Variants in GAMT observed in about 807,000 individuals in gnomAD.
The protein encoded by GAMT is epididymis secretory protein Li 20.
GAMT carries 26 observed loss-of-function variants against 26.9 expected under a neutral mutation model. The observed-to-expected ratio is 0.97, with a 90% CI of 0.71 to 1.34. The LOEUF (loss-of-function observed/expected upper bound fraction) is 1.34, where lower values mean the gene tolerates loss of function less well. Ranked by LOEUF, GAMT falls within the 40% of genes most tolerant of loss-of-function variation. The pLI, the probability that GAMT is intolerant of heterozygous loss-of-function variation, is 0.00. For synonymous variants in GAMT, 169 were observed against 149.6 expected (o/e 1.13, Z -0.95); for missense variants, 412 against 345.0 (o/e 1.19, Z -1.54).
At position 1,399,382 on chromosome 19, in the gene GAMT, G is replaced by A. The variant is rs942393529; in HGVS notation, c.391+142C>T. The A allele has an allele frequency of 2.3e-5, 24 of 1,022,324 alleles. No homozygotes were observed. The highest frequency in any genetic ancestry group is 3.3e-5 in the Non-Finnish European group (22 of 673,830). The allele number at this position is 1,022,324 out of a possible 1,614,324, so 63.3% of individuals were successfully genotyped here. ...CCCTCCGTGAGCATGCCCATCCCCG[G>A]TGCTCCGCCATCCCACAGCCAGGCC... On this transcript the variant is annotated intron_variant, in intron 3 of 5. Coordinates refer to ENST00000252288, the MANE Select transcript of GAMT (RefSeq NM_000156.6). The surrounding 1 kb of genome is among the most constrained non-coding windows in gnomAD (Gnocchi z 6.2).
intron 5 of GAMT, chr19:1,397,850 G>A (rs1000737326): frequency 1.2e-5 from 14 of 1,151,162 alleles, no homozygotes; most frequent in Non-Finnish European, 1.5e-5. Context: ...AAGAAAAGCT[G>A]CCCCAGGGGC....
At position 1,399,239 on chromosome 19, in the gene GAMT, CGCCTCACCCA is replaced by C. The variant is rs752148967; in HGVS notation, c.392-54_392-45del. 1.2e-6 allele frequency: 2 copies of C among 1,601,394 alleles called. No individual in the cohort carries two copies. The highest frequency in any genetic ancestry group is 1.7e-6 in the Non-Finnish European group (2 of 1,169,444). On this transcript the variant is annotated intron_variant, in intron 3 of 5. Transcript: ENST00000252288. The surrounding 1 kb of genome is among the most constrained non-coding windows in gnomAD (Gnocchi z 6.2). ...CCCACGCGGTCAGGGCCGGGCTCAGCGCCTCACCCAGCCTCACCCGGCTCATCCCCCAGCG... is the reference window on the plus strand; with the variant it reads ...CCCACGCGGTCAGGGCCGGGCTCAGCGCCTCACCCGGCTCATCCCCCAGCG...
Position 1,399,822 on chromosome 19 carries a change from G to T in GAMT, c.298C>A (p.Arg100=). 6.3e-7 allele frequency: 1 copy of T among 1,580,120 alleles called. No homozygotes were observed. The highest frequency in any genetic ancestry group is 8.6e-7 in the Non-Finnish European group (1 of 1,163,746). ...TGTGTCTGCCGTGGGGCCCAGTCCC[G>T]GAGCCGCTGGAAGACGCCGTCATTG... ...ECNDGVFQRL[R]DWAPRQTHKV... The change falls in exon 2 of 6, where the codon CGG becomes AGG. Residue 100 remains arginine, a synonymous_variant. Transcript: ENST00000252288. The surrounding 1 kb of genome is among the most constrained non-coding windows in gnomAD (Gnocchi z 6.2).
rs757108273 is a variant in GAMT, at chr19:1,398,933, T to C, written c.553A>G (p.Ile185Val). Residue 185 changes from isoleucine (I) to valine (V), a missense_variant, in exon 5 of 6, where the codon ATC becomes GTC. Transcript: ENST00000252288. The stretch of plus-strand genomic sequence containing the variant: ...GGGCGCACCTCAAACATGATGGTGA[T>C]GTCTGAGTACTTGGACTTCATCAGC... ...GELMKSKYSD[I>V]TIMFEETQVP... 3.7e-6 allele frequency: 6 copies of C among 1,613,398 alleles called. No individual in the cohort carries two copies. The East Asian group carries it at 6.7e-5, about 18-fold the overall frequency.
Position 1,399,762 on chromosome 19 carries a change from G to A in GAMT, c.327+31C>T, listed in dbSNP as rs952973918. ...CAGTGCCCTCACCCCAAGGAGTGGG[G>A]GTCCTGGAGGGCCTGCGGGCAGAGG... On this transcript the variant is annotated intron_variant, in intron 2 of 5. Coordinates refer to ENST00000252288, the MANE Select transcript of GAMT (RefSeq NM_000156.6). The surrounding 1 kb of genome is among the most constrained non-coding windows in gnomAD (Gnocchi z 6.2). 1 of 1,542,892 alleles carries A rather than the reference G, an allele frequency of 6.5e-7. No homozygotes were observed. The highest frequency in any genetic ancestry group is 2.4e-5 in the East Asian group (1 of 41,046).
At position 1,399,588 on chromosome 19, in the gene GAMT, C is replaced by T. The variant is rs756772965; in HGVS notation, c.328-1G>A. ...CCCACAGGCCTTTCAAGGGGATGAC[C>T]TTGCAGAGGGGAAAAGAAAAAGAGA... On this transcript the variant is annotated splice_acceptor_variant, in intron 2 of 5. Coordinates refer to ENST00000252288, the MANE Select transcript of GAMT (RefSeq NM_000156.6). LOFTEE classifies it high-confidence loss of function. This position sits in a 1 kb window ranked among gnomAD's most constrained non-coding sequence, Gnocchi z 6.2. The T allele has an allele frequency of 2.4e-5, 39 of 1,612,274 alleles. No homozygotes were observed. The highest frequency in any genetic ancestry group is 2.9e-5 in the Non-Finnish European group (34 of 1,179,490).
Position 1,399,116 on chromosome 19 carries a change from A to G in GAMT, c.459+12T>C. On this transcript the variant is annotated intron_variant, in intron 4 of 5. Coordinates refer to ENST00000252288, the MANE Select transcript of GAMT (RefSeq NM_000156.6). This position sits in a 1 kb window ranked among gnomAD's most constrained non-coding sequence, Gnocchi z 6.2. ...AGGGCCTCCCGCATCCCAGCAAGTC[A>G]GAGAGAACCACCTTGATGAAGTTGA... 1 of 1,613,656 alleles carries G rather than the reference A, an allele frequency of 6.2e-7. No homozygotes were observed. Among genetic ancestry groups the G allele is most frequent in the Non-Finnish European group, 8.5e-7 (1 of 1,179,978 alleles).
intron 1 of GAMT, among the ~76,000 whole-genome samples, chr19:1,400,282 G>T (rs901461958): frequency 1.3e-5 from 2 of 149,528 alleles, no homozygotes; most frequent in Non-Finnish European, 3.0e-5. Flanking sequence ...ACAGGGTAGG[G>T]CAGGGCTGAG....
chr19:1,397,876 G>T (rs1487758785), intron 5 of GAMT: 1 of 1,135,180 alleles, frequency 8.8e-7, no homozygotes, highest in African/African-American at 1.6e-5. Context: ...GCACCCAGCC[G>T]GCTCTCACAA....
At position 1,399,512 on chromosome 19, in the gene GAMT, C is replaced by T. The variant is rs995627833; in HGVS notation, c.391+12G>A. ...GGAGGCCCACCCTGTGATACGTCCCCTCACCCCTCACCATCAAAGTGACCG... is the reference window on the plus strand; with the variant it reads ...GGAGGCCCACCCTGTGATACGTCCCTTCACCCCTCACCATCAAAGTGACCG... On this transcript the variant is annotated intron_variant, in intron 3 of 5. Coordinates refer to ENST00000252288, the MANE Select transcript of GAMT (RefSeq NM_000156.6). This position sits in a 1 kb window ranked among gnomAD's most constrained non-coding sequence, Gnocchi z 6.2. 1.2e-6 allele frequency: 2 copies of T among 1,610,650 alleles called. No individual in the cohort carries two copies. Among genetic ancestry groups the T allele is most frequent in the East Asian group, 2.2e-5 (1 of 44,824 alleles).
chr19:1,399,430 C>G lies in GAMT; in HGVS notation c.391+94G>C. On this transcript the variant is annotated intron_variant, in intron 3 of 5. Coordinates refer to ENST00000252288, the MANE Select transcript of GAMT (RefSeq NM_000156.6). This position sits in a 1 kb window ranked among gnomAD's most constrained non-coding sequence, Gnocchi z 6.2. ...GCCCACACCCACTTGGGCTCTGTCC[C>G]CCCAGTGCACATCAGAGGGACCCCC... The G allele has an allele frequency of 1.6e-6, 2 of 1,251,264 alleles. No homozygotes were observed. The allele number at this position is 1,251,264 out of a possible 1,614,324, so 77.5% of individuals were successfully genotyped here. A position where few individuals can be genotyped will look rare whatever the true frequency, so the allele number is the denominator to read the frequency against.
chr19:1,399,765 CCTGGAGGG>C lies in GAMT; in HGVS notation c.327+20_327+27del. 6.5e-7 allele frequency: 1 copy of C among 1,541,332 alleles called. No homozygotes were observed. The highest frequency in any genetic ancestry group is 8.7e-7 in the Non-Finnish European group (1 of 1,143,490). ...TGCCCTCACCCCAAGGAGTGGGGGT[CCTGGAGGG>C]CCTGCGGGCAGAGGGGCACCTTGTG... On this transcript the variant is annotated intron_variant, in intron 2 of 5. Coordinates refer to ENST00000252288, the MANE Select transcript of GAMT (RefSeq NM_000156.6). The surrounding 1 kb of genome is among the most constrained non-coding windows in gnomAD (Gnocchi z 6.2).
In GAMT at chr19:1,398,638, C is replaced by G. The variant is rs1030007744; in HGVS notation, c.570+278G>C. On this transcript the variant is annotated intron_variant, in intron 5 of 5. Transcript: ENST00000252288. ...TTTTTTTTTTTAGGAAAGATGAGGT[C>G]TTGCTCTGTAGCCCAGGCTGGTCTT... 9.8e-6 allele frequency: 10 copies of G among 1,022,704 alleles called. No homozygotes were observed. The African/African-American group carries it at 1.6e-4, about 17-fold the overall frequency. The allele number at this position is 1,022,704 out of a possible 1,614,324, so 63.4% of individuals were successfully genotyped here.
At chr19:1,400,088 C>T (rs938608512) in intron 1 of GAMT, 150 bp from the exon 2 acceptor site, 3 of 811,244 alleles carry the variant, frequency 3.7e-6, no homozygotes, top group African/African-American at 4.5e-5. Context: ...GGGGGGCGTG[C>T]AGAGCAGGGC....
chr19:1,399,392 A>G lies in GAMT; in HGVS notation c.391+132T>C. 9.5e-7 allele frequency: 1 copy of G among 1,050,734 alleles called. No homozygotes were observed. 65.1% of individuals were successfully genotyped at this position (1,050,734 alleles called of 1,614,324 possible). ...GCATGCCCATCCCCGGTGCTCCGCC[A>G]TCCCACAGCCAGGCCCACACCCACT... On this transcript the variant is annotated intron_variant, in intron 3 of 5. Transcript: ENST00000252288. This position sits in a 1 kb window ranked among gnomAD's most constrained non-coding sequence, Gnocchi z 6.2.
In GAMT at chr19:1,400,084, C is replaced by T. The variant is rs1285752139; in HGVS notation, c.182-146G>A. The T allele has an allele frequency of 2.0e-5, 14 of 694,360 alleles. No homozygotes were observed. In the Admixed American group the frequency reaches 2.8e-4, roughly 14 times the overall value. 43.0% of individuals were successfully genotyped at this position (694,360 alleles called of 1,614,324 possible). ...GGCTGGGGGTCTGCCTGGAGGGGGG[C>T]GTGCAGAGCAGGGCTGGAGAGGCTG... On this transcript the variant is annotated intron_variant, in intron 1 of 5. Coordinates refer to ENST00000252288, the MANE Select transcript of GAMT (RefSeq NM_000156.6).
At chr19:1,398,863 C>T in intron 5 of GAMT, 53 bp downstream of exon 5, 1 of 1,605,762 alleles carries the variant, frequency 6.2e-7, no homozygotes, top group Non-Finnish European at 8.5e-7. Flanking sequence ...CCCTTCCCAC[C>T]CCCATCCAAG....
At position 1,401,514 on chromosome 19, in the gene GAMT, C is replaced by A; in HGVS notation, c.-38G>T. ...ACGGCGACCCGACCTCGATCGCGCGCCGCCCGGGCCCGCTCCCTGCAGGGG... is the reference window on the plus strand; with the variant it reads ...ACGGCGACCCGACCTCGATCGCGCGACGCCCGGGCCCGCTCCCTGCAGGGG... On this transcript the variant is annotated 5_prime_UTR_variant, in exon 1 of 6. Transcript: ENST00000252288. 7.8e-7 allele frequency: 1 copy of A among 1,277,744 alleles called. No homozygotes were observed. Among genetic ancestry groups the A allele is most frequent in the Non-Finnish European group, 9.9e-7 (1 of 1,009,254 alleles). 79.2% of individuals were successfully genotyped at this position (1,277,744 alleles called of 1,614,324 possible).
chr19:1,401,223 C>A, intron 1 of GAMT, 73 bp downstream of exon 1: 1 of 1,236,724 alleles, frequency 8.1e-7, no homozygotes, highest in South Asian at 2.1e-5. Context: ...GCTGCAGAGT[C>A]CCCGGGTCGG....
Sources: allele counts gnomAD v4.1 joint callset (sites outside exome capture counted in the v4.1 genomes callset), GRCh38; gene constraint gnomAD v4.1.1; non-coding constraint Gnocchi (gnomAD v3.1); transcripts MANE v1.5; gene names NCBI Gene and HGNC (gene_info 2026-07-23, HGNC 2026-07-21).